The following NTNG1 variants were observed in gnomAD, a reference collection of about 807,000 sequenced individuals.
The protein encoded by NTNG1 is netrin G1.
A neutral mutation model predicts 54.0 loss-of-function variants in NTNG1; 16 were observed. The observed-to-expected ratio is 0.30, with a 90% CI of 0.20 to 0.45. The LOEUF (loss-of-function observed/expected upper bound fraction) is 0.45, where lower values mean the gene tolerates loss of function less well. NTNG1 is among the 20% of genes least tolerant of loss of function. The pLI, the probability that NTNG1 is intolerant of heterozygous loss-of-function variation, is 1.00. For missense variants in NTNG1, 530 were observed against 678.7 expected (o/e 0.78, Z 2.43); for synonymous variants, 255 against 263.1 (o/e 0.97, Z 0.30).
chr1:107,170,424 T>C (rs1302502649), intron 2 of NTNG1, among the ~76,000 whole-genome samples: 1 of 152,146 alleles, frequency 6.6e-6, no homozygotes, highest in Non-Finnish European at 1.5e-5. Context: ...CTGTGGATGA[T>C]ATACTAGGTT....
chr1:107,239,203 C>T (rs145665638), intron 2 of NTNG1, among the ~76,000 whole-genome samples: 210 of 152,284 alleles, frequency 1.4e-3, no homozygotes, highest in African/African-American at 4.4e-3. Flanking sequence ...GAGCAAGCAA[C>T]ATAGGCTGCC....
Position 107,483,144 on chromosome 1 carries a change from T to C in NTNG1, c.*2304T>C, listed in dbSNP as rs1456247766. On this transcript the variant is annotated 3_prime_UTR_variant, in exon 8 of 8. Coordinates refer to ENST00000370068, the MANE Select transcript of NTNG1 (RefSeq NM_001113226.3). ...GATATTAAAATTAGAGTTTAAGTTG[T>C]CTTATAGTTTATTAGCACAAACCAA... is the stretch of plus-strand genomic sequence containing the variant. 1 of 152,396 alleles carries C rather than the reference T, an allele frequency of 6.6e-6. No homozygotes were observed. Among genetic ancestry groups the C allele is most frequent in the East Asian group, 1.9e-4 (1 of 5,190 alleles). The allele number at this position is 152,396 out of a possible 1,614,324, so 9.4% of individuals were successfully genotyped here.
At chr1:107,436,833 G>A (rs1426379979) in intron 7 of NTNG1, 34 bp downstream of exon 7, 19 of 1,606,614 alleles carry the variant, frequency 1.2e-5, no homozygotes, top group Non-Finnish European at 1.5e-5. Flanking sequence ...TCTGCCTGCT[G>A]CAGCATGGCT....
intron 7 of NTNG1, among the ~76,000 whole-genome samples, chr1:107,468,872 C>T (rs555647019): frequency 1.6e-4 from 25 of 151,986 alleles, no homozygotes; most frequent in African/African-American, 2.7e-4. Flanking sequence ...CCAAGGTGGG[C>T]GGATCATGAG....
chr1:107,439,277 C>T (rs200201664), intron 7 of NTNG1, among the ~76,000 whole-genome samples: 54 of 145,780 alleles, frequency 3.7e-4, no homozygotes, highest in East Asian at 2.0e-4. Flanking sequence ...CCAGAACTTG[C>T]GTGTGTGTGT....
chr1:107,378,700 G>A (rs1022166474), intron 3 of NTNG1, among the ~76,000 whole-genome samples: 1 of 152,216 alleles, frequency 6.6e-6, no homozygotes, highest in South Asian at 2.1e-4. Context: ...ACAGACTACA[G>A]ACAGAGAGGC....
In NTNG1 at chr1:107,349,609, A is replaced by G. The variant is rs576798698; in HGVS notation, c.887+24687A>G. Among the ~76,000 whole-genome samples, 14 of 152,230 alleles carry G rather than the reference A, an allele frequency of 9.2e-5. 1 individual carries two copies. The East Asian group carries it at 1.9e-3, about 21-fold the overall frequency. On this transcript the variant is annotated intron_variant, in intron 3 of 7. Coordinates refer to ENST00000370068, the MANE Select transcript of NTNG1 (RefSeq NM_001113226.3). ...ATCCACACTCACATCTAGGATAACC[A>G]TTATCTTGCATTATTTTTTCTCATT... is the stretch of plus-strand genomic sequence containing the variant.
At chr1:107,388,059 C>T (rs1672124348) in intron 3 of NTNG1, among the ~76,000 whole-genome samples, 1 of 152,172 alleles carries the variant, frequency 6.6e-6, no homozygotes, top group Non-Finnish European at 1.5e-5. Context: ...ATCTTCTCTA[C>T]TCAACAGATT....
intron 2 of NTNG1, among the ~76,000 whole-genome samples, chr1:107,208,484 C>T (rs1309864072): frequency 2.0e-5 from 3 of 151,528 alleles, no homozygotes; most frequent in Admixed American, 6.6e-5. Flanking sequence ...GGGAATACTT[C>T]TTTGCTTGCT....
intron 3 of NTNG1, among the ~76,000 whole-genome samples, chr1:107,337,496 G>A (rs1288488524): frequency 2.0e-5 from 3 of 151,984 alleles, no homozygotes; most frequent in African/African-American, 7.2e-5. Context: ...TGAGCACAAA[G>A]TTTCAGTTAG....
At chr1:107,433,307 G>T (rs966338838) in intron 6 of NTNG1, among the ~76,000 whole-genome samples, 6 of 152,254 alleles carry the variant, frequency 3.9e-5, no homozygotes, top group Admixed American at 3.9e-4. Context: ...ACTTTAGAAG[G>T]CCCGGGCAGG....
At chr1:107,164,564 T>G (rs1359478332) in intron 2 of NTNG1, among the ~76,000 whole-genome samples, 5 of 151,970 alleles carry the variant, frequency 3.3e-5, no homozygotes, top group Non-Finnish European at 4.4e-5. Context: ...AATACTTAAA[T>G]AAGTACACCA....
At chr1:107,376,168 C>T (rs1671218793) in intron 3 of NTNG1, among the ~76,000 whole-genome samples, 1 of 152,104 alleles carries the variant, frequency 6.6e-6, no homozygotes, top group Admixed American at 6.5e-5. Context: ...CGCCTGTAAT[C>T]CCAGCACTTT....
chr1:107,198,130 G>A (rs1447623299), intron 2 of NTNG1, among the ~76,000 whole-genome samples: 5 of 151,866 alleles, frequency 3.3e-5, no homozygotes, highest in Admixed American at 6.6e-5. Context: ...TGACACCAAC[G>A]GGACAATTGG....
chr1:107,155,093 C>G (rs1654886735), intron 2 of NTNG1, among the ~76,000 whole-genome samples: 1 of 152,112 alleles, frequency 6.6e-6, no homozygotes, highest in African/African-American at 2.4e-5. Context: ...ATCAGTCTCT[C>G]TGGACTGTTT....
intron 2 of NTNG1, among the ~76,000 whole-genome samples, chr1:107,287,302 G>A (rs900878508): frequency 1.3e-5 from 2 of 152,066 alleles, no homozygotes; most frequent in Admixed American, 1.3e-4. Flanking sequence ...TTAAATAATT[G>A]GCATAAAGTG....
chr1:107,193,776 C>T (rs2101218957), intron 2 of NTNG1, among the ~76,000 whole-genome samples: 1 of 152,096 alleles, frequency 6.6e-6, no homozygotes, highest in South Asian at 2.1e-4. Context: ...TTACTCAGGT[C>T]CATTCTCTTT....
intron 2 of NTNG1, among the ~76,000 whole-genome samples, chr1:107,306,023 G>A (rs1666677424): frequency 1.3e-5 from 2 of 152,126 alleles, no homozygotes. Context: ...GGTGCTAAAG[G>A]CAAAGGCCTC....
intron 7 of NTNG1, among the ~76,000 whole-genome samples, chr1:107,452,898 A>T (rs1336378672): frequency 6.6e-6 from 1 of 152,220 alleles, no homozygotes; most frequent in Non-Finnish European, 1.5e-5. Flanking sequence ...GAGTAGAAGT[A>T]TAAAGAATTG....
Sources: allele counts gnomAD v4.1 joint callset (sites outside exome capture counted in the v4.1 genomes callset), GRCh38; gene constraint gnomAD v4.1.1; transcripts MANE v1.5; gene names NCBI Gene and HGNC (gene_info 2026-07-23, HGNC 2026-07-21).